Variants in ZC3H11A observed in about 807,000 individuals in gnomAD.
The protein encoded by ZC3H11A is zinc finger CCCH domain-containing protein 11A.
In ZC3H11A, 22 loss-of-function variants were observed where a neutral mutation model predicts 90.8. The observed-to-expected ratio is 0.24, with a 90% confidence interval of 0.17 to 0.35. The LOEUF (loss-of-function observed/expected upper bound fraction) is 0.35. Ranked by LOEUF, ZC3H11A falls within the 10% of genes least tolerant of loss-of-function variation. ZC3H11A has a pLI of 1.00. For missense variants in ZC3H11A, 701 were observed against 964.9 expected (o/e 0.73, Z 3.62); for synonymous variants, 294 against 339.8 (o/e 0.87, Z 1.48).
chr1:203,806,939 A>AT (rs11402411), intron 2 of ZC3H11A, among the ~76,000 whole-genome samples: 28,996 of 148,486 alleles, frequency 0.2, 3,303 homozygotes, highest in East Asian at 0.45. Context: ...TTACTACAGG[A>AT]TTTTTTTTGT....
intron 3 of ZC3H11A, among the ~76,000 whole-genome samples, chr1:203,818,230 C>T (rs1479839471): frequency 1.3e-5 from 2 of 150,226 alleles, no homozygotes; most frequent in Non-Finnish European, 1.5e-5. Flanking sequence ...GATTTTCCAT[C>T]AAAAGCTAGA....
intron 12 of ZC3H11A, among the ~76,000 whole-genome samples, chr1:203,840,990 T>G (rs1457265008): frequency 3.3e-5 from 5 of 152,086 alleles, no homozygotes; most frequent in Admixed American, 2.6e-4. Flanking sequence ...TTAGATAAAA[T>G]TATGATAGTT....
At chr1:203,815,865 T>C (rs4951022) in intron 2 of ZC3H11A, among the ~76,000 whole-genome samples, 47,958 of 152,106 alleles carry the variant, frequency 0.32, 8,205 homozygotes, top group East Asian at 0.74. Flanking sequence ...CGTATGTGCT[T>C]TTGTTATATG....
intron 10 of ZC3H11A, chr1:203,834,097 A>G: frequency 8.5e-7 from 1 of 1,172,238 alleles, no homozygotes. Flanking sequence ...CTAGATTTTA[A>G]AAATGGTAAA....
At chr1:203,849,660 A>G in intron 14 of ZC3H11A, 51 bp from the exon 15 acceptor site, 4 of 1,539,922 alleles carry the variant, frequency 2.6e-6, no homozygotes, top group Non-Finnish European at 3.6e-6. Context: ...TACATCATAC[A>G]GGTTATTAGA....
intron 5 of ZC3H11A, 139 bp from the exon 6 acceptor site, chr1:203,829,312 C>A: frequency 1.2e-6 from 1 of 823,676 alleles, no homozygotes; most frequent in Non-Finnish European, 1.9e-6. Flanking sequence ...CTCCCTGGGA[C>A]TTTAGAACTT....
At position 203,799,912 on chromosome 1, in the gene ZC3H11A, A is replaced by C. The variant is rs867176340; in HGVS notation, c.-1587-1663A>C. On this transcript the variant is annotated intron_variant, in intron 1 of 17. Transcript: ENST00000367210. ...GAAACTTATAAGCAGTTCCTTGCAG[A>C]AGAGGTCTGTAATTATATGGAATCT... 34 of 1,536,010 alleles carry C rather than the reference A, an allele frequency of 2.2e-5. 1 individual carries two copies. In the African/African-American group the frequency reaches 3.7e-4, roughly 17 times the overall value.
chr1:203,808,856 G>A (rs1433398389), intron 2 of ZC3H11A, among the ~76,000 whole-genome samples: 1 of 151,896 alleles, frequency 6.6e-6, no homozygotes, highest in African/African-American at 2.4e-5. Context: ...TTGAGAAGGC[G>A]TTTTTCTGTT....
chr1:203,824,566 A>T (rs959252861), intron 4 of ZC3H11A, among the ~76,000 whole-genome samples: 1 of 152,216 alleles, frequency 6.6e-6, no homozygotes, highest in Admixed American at 6.5e-5. Context: ...GTCATCTGAC[A>T]TGTGTCACAT....
In ZC3H11A at chr1:203,837,842, C is replaced by G. The variant is rs1255257212; in HGVS notation, c.875-124C>G. 3 of 864,286 alleles carry G rather than the reference C, an allele frequency of 3.5e-6. No individual in the cohort carries two copies. In the South Asian group the frequency reaches 5.5e-5, roughly 16 times the overall value. The allele number at this position is 864,286 out of a possible 1,614,324, so 53.5% of individuals were successfully genotyped here. On this transcript the variant is annotated intron_variant, in intron 10 of 17. Coordinates refer to ENST00000367210, the MANE Select transcript of ZC3H11A (RefSeq NM_001376342.1). ...ATTGAACTCTAAGGAAGCTGGTGAA[C>G]AAACACGCCATATGTATGCAGAACA...
In ZC3H11A at chr1:203,850,344, AGTGACCACCAT is replaced by A. The variant is rs199869328; in HGVS notation, c.1940-162_1940-152del. ...TTGTATCTACATGGTGACCACCTGT[AGTGACCACCAT>A]GTGACCACAAATTGCCTTTGAATCG... On this transcript the variant is annotated intron_variant, in intron 15 of 17. Transcript: ENST00000367210. The A allele has an allele frequency of 1.2e-3, 1,057 of 917,290 alleles. 8 individuals are homozygous for A. In the African/African-American group the frequency reaches 0.015, roughly 13 times the overall value. 56.8% of individuals were successfully genotyped at this position (917,290 alleles called of 1,614,324 possible).
At chr1:203,842,971 A>T (rs1040133437) in intron 12 of ZC3H11A, among the ~76,000 whole-genome samples, 2 of 151,678 alleles carry the variant, frequency 1.3e-5, no homozygotes, top group African/African-American at 4.8e-5. Flanking sequence ...GCTTTTAAAA[A>T]TTTTATATTT....
intron 1 of ZC3H11A, chr1:203,797,991 A>AGAG: frequency 6.5e-7 from 1 of 1,534,692 alleles, no homozygotes; most frequent in Non-Finnish European, 8.7e-7. Context: ...CTGTGAGAAA[A>AGAG]GCGTCAGCAG....
chr1:203,840,899 C>T (rs1364662547), intron 12 of ZC3H11A, among the ~76,000 whole-genome samples: 1 of 152,000 alleles, frequency 6.6e-6, no homozygotes, highest in Non-Finnish European at 1.5e-5. Flanking sequence ...CTCCCAAAAT[C>T]CTGGGATTAC....
intron 1 of ZC3H11A, chr1:203,796,546 T>G: frequency 2.5e-6 from 1 of 398,832 alleles, no homozygotes; most frequent in East Asian, 3.6e-5. Flanking sequence ...TTCCAGGCCT[T>G]GGTTCTGGAC....
rs142870888 is a variant in ZC3H11A, at chr1:203,852,165, C to G, written c.2199C>G (p.Ser733=). ...RDSLVLPPTQ[S]SSDSSPPEVS... ...GTCTTGTGCTGCCTCCAACCCAGTC[C>G]TCTTCAGATTCCTCACCCCCGGAGG... The change falls in exon 18 of 18, where the codon TCC becomes TCG. Residue 733 remains serine, a synonymous_variant. Coordinates refer to ENST00000367210, the MANE Select transcript of ZC3H11A (RefSeq NM_001376342.1). The G allele has an allele frequency of 3.1e-3, 5,056 of 1,613,566 alleles. 159 individuals carry two copies. In the African/African-American group the frequency reaches 0.058, roughly 18 times the overall value.
chr1:203,815,216 C>CTTTTTTTTTT (rs59254922), intron 2 of ZC3H11A, among the ~76,000 whole-genome samples: 1,752 of 96,988 alleles, frequency 0.018, 43 homozygotes, highest in Middle Eastern at 0.037. Context: ...CTTTTCTTTT[C>CTTTTTTTTTT]TTTTTTTTTT....
At chr1:203,841,522 C>T (rs974146707) in intron 12 of ZC3H11A, among the ~76,000 whole-genome samples, 41 of 151,900 alleles carry the variant, frequency 2.7e-4, no homozygotes, top group Middle Eastern at 3.2e-3. Context: ...TTTCTTAGTA[C>T]AGAACAAAAT....
rs1483815517 is a variant in ZC3H11A, at chr1:203,801,942, TTAG to T, written c.-1214_-1212del. On this transcript the variant is annotated 5_prime_UTR_variant, in exon 2 of 18. Coordinates refer to ENST00000367210, the MANE Select transcript of ZC3H11A (RefSeq NM_001376342.1). ...CTTACAAAGTCTTTAGCTGTAGCCA[TTAG>T]TAGTAAAGAATTTGGACCTAGGCTG... The T allele has an allele frequency of 2.6e-5, 4 of 152,620 alleles. No individual in the cohort carries two copies. In the East Asian group the frequency reaches 7.7e-4, roughly 29 times the overall value. The allele number at this position is 152,620 out of a possible 1,614,324, so 9.5% of individuals were successfully genotyped here. A position where few individuals can be genotyped will look rare whatever the true frequency, so the allele number is the denominator to read the frequency against.
Sources: allele counts gnomAD v4.1 joint callset (sites outside exome capture counted in the v4.1 genomes callset), GRCh38; gene constraint gnomAD v4.1.1; transcripts MANE v1.5; gene names NCBI Gene and HGNC (gene_info 2026-07-23, HGNC 2026-07-21).